The following IQCJ variants were observed in gnomAD, a reference collection of about 807,000 sequenced individuals.
IQCJ encodes the protein IQ domain-containing protein J.
Under a neutral mutation model 11.0 loss-of-function variants are expected in IQCJ, and 9 were observed. That is an observed-to-expected ratio of 0.82 (90% CI 0.49 to 1.43). The LOEUF is 1.43. Among genes scored for constraint, IQCJ ranks in the 40% most tolerant of loss-of-function variants. The probability of loss-of-function intolerance (pLI) is 0.00; values close to 1 mark genes in which losing one functional copy is unlikely to be tolerated. For missense variants in IQCJ, 146 were observed against 133.2 expected (o/e 1.10, Z -0.47); for synonymous variants, 55 against 51.3 (o/e 1.07, Z -0.31).
At chr3:159,199,752 A>G (rs1724205507) in intron 1 of IQCJ, among the ~76,000 whole-genome samples, 1 of 152,048 alleles carries the variant, frequency 6.6e-6, no homozygotes, top group African/African-American at 2.4e-5. Context: ...TCCTGGACCC[A>G]TGATACTGGG....
chr3:159,194,376 G>T (rs1248594467), intron 1 of IQCJ, among the ~76,000 whole-genome samples: 1 of 152,144 alleles, frequency 6.6e-6, no homozygotes, highest in Non-Finnish European at 1.5e-5. Context: ...AGTGCCACTG[G>T]TAGCCATTCT....
At chr3:159,090,508 G>A (rs1717191965) in intron 1 of IQCJ, among the ~76,000 whole-genome samples, 1 of 151,848 alleles carries the variant, frequency 6.6e-6, no homozygotes, top group Non-Finnish European at 1.5e-5. Context: ...AGAGTTGGTG[G>A]GTGGGGCTGG....
chr3:159,208,495 A>T (rs1724777695), intron 1 of IQCJ, among the ~76,000 whole-genome samples: 1 of 152,228 alleles, frequency 6.6e-6, no homozygotes, highest in Non-Finnish European at 1.5e-5. Flanking sequence ...CTTTGTTGGC[A>T]TCTTGGGATC....
chr3:159,165,697 T>C (rs1722124178), intron 1 of IQCJ, among the ~76,000 whole-genome samples: 1 of 151,442 alleles, frequency 6.6e-6, no homozygotes, highest in Admixed American at 6.6e-5. Flanking sequence ...CACTGCAACC[T>C]CTGCCTCCCG....
intron 1 of IQCJ, among the ~76,000 whole-genome samples, chr3:159,074,162 A>G (rs541970251): frequency 6.6e-6 from 1 of 152,242 alleles, no homozygotes; most frequent in South Asian, 2.1e-4. Flanking sequence ...CATGATCAAA[A>G]TAGGCTTGCG....
chr3:159,147,570 T>C (rs1720988806), intron 1 of IQCJ, among the ~76,000 whole-genome samples: 1 of 152,206 alleles, frequency 6.6e-6, no homozygotes, highest in Non-Finnish European at 1.5e-5. Flanking sequence ...GATTGTGACC[T>C]TAAGCAAATC....
At chr3:159,244,145 G>A (rs1439734353) in intron 1 of IQCJ, among the ~76,000 whole-genome samples, 1 of 152,116 alleles carries the variant, frequency 6.6e-6, no homozygotes, top group East Asian at 1.9e-4. Context: ...CATGTACATG[G>A]AACTGTCGAG....
chr3:159,251,775 G>A (rs748592902), intron 2 of IQCJ, among the ~76,000 whole-genome samples: 17 of 152,204 alleles, frequency 1.1e-4, no homozygotes, highest in Middle Eastern at 3.4e-3. Flanking sequence ...AGAGAGCAGT[G>A]AGATGTGAGT....
At chr3:159,117,514 A>C (rs371433713) in intron 1 of IQCJ, among the ~76,000 whole-genome samples, 1 of 152,208 alleles carries the variant, frequency 6.6e-6, no homozygotes, top group Non-Finnish European at 1.5e-5. Flanking sequence ...TGTACAAAGC[A>C]TATGCTAGGA....
At chr3:159,225,578 T>G (rs997126231) in intron 1 of IQCJ, among the ~76,000 whole-genome samples, 1 of 152,208 alleles carries the variant, frequency 6.6e-6, no homozygotes, top group African/African-American at 2.4e-5. Context: ...TGTATCAATG[T>G]CAATTTCATG....
chr3:159,088,361 T>G (rs867421503), intron 1 of IQCJ, among the ~76,000 whole-genome samples: 1,862 of 151,936 alleles, frequency 0.012, 34 homozygotes, highest in African/African-American at 0.041. Flanking sequence ...TTTTGGAATA[T>G]GTGTGGTGTG....
At chr3:159,190,828 A>G (rs1000212244) in intron 1 of IQCJ, among the ~76,000 whole-genome samples, 1 of 152,246 alleles carries the variant, frequency 6.6e-6, no homozygotes, top group Admixed American at 6.5e-5. Context: ...TGTCAGGAGT[A>G]AAAGATATTT....
intron 1 of IQCJ, among the ~76,000 whole-genome samples, chr3:159,075,487 G>A (rs1715849329): frequency 6.6e-6 from 1 of 152,070 alleles, no homozygotes; most frequent in Non-Finnish European, 1.5e-5. Flanking sequence ...GAGATCTAAT[G>A]CCTCATTCCT....
intron 1 of IQCJ, among the ~76,000 whole-genome samples, chr3:159,210,501 C>T (rs1245131938): frequency 1.3e-5 from 2 of 152,074 alleles, no homozygotes; most frequent in African/African-American, 4.8e-5. Context: ...GGTTTGAGGT[C>T]ATTTTGGGTG....
intron 1 of IQCJ, among the ~76,000 whole-genome samples, chr3:159,117,480 T>C (rs1719099255): frequency 6.6e-6 from 1 of 152,226 alleles, no homozygotes. Flanking sequence ...TTTAATCATT[T>C]AATAAAACGT....
chr3:159,258,512 G>T (rs1426188963), intron 3 of IQCJ, among the ~76,000 whole-genome samples: 2 of 152,094 alleles, frequency 1.3e-5, no homozygotes, highest in Admixed American at 6.6e-5. Flanking sequence ...TAATCATGGT[G>T]CCTCCCTCAC....
chr3:159,239,209 G>A (rs1726763959), intron 1 of IQCJ, among the ~76,000 whole-genome samples: 1 of 152,164 alleles, frequency 6.6e-6, no homozygotes, highest in Non-Finnish European at 1.5e-5. Flanking sequence ...TTTTTGTATA[G>A]CTAGCTTAAA....
intron 1 of IQCJ, among the ~76,000 whole-genome samples, chr3:159,111,957 T>G (rs542191729): frequency 6.6e-6 from 1 of 152,300 alleles, no homozygotes; most frequent in South Asian, 2.1e-4. Flanking sequence ...GGTTTTTTTT[T>G]CCCCGCAATT....
chr3:159,194,635 G>A (rs1037312273), intron 1 of IQCJ, among the ~76,000 whole-genome samples: 1 of 152,160 alleles, frequency 6.6e-6, no homozygotes, highest in African/African-American at 2.4e-5. Context: ...ATAGTTGACT[G>A]ATGGGTTTTC....
Sources: allele counts gnomAD v4.1 joint callset (sites outside exome capture counted in the v4.1 genomes callset), GRCh38; gene constraint gnomAD v4.1.1; transcripts MANE v1.5; gene names NCBI Gene and HGNC (gene_info 2026-07-23, HGNC 2026-07-21).